The following EPB41L2 variants were observed in gnomAD, a reference collection of about 807,000 sequenced individuals.
The protein encoded by EPB41L2 is erythrocyte membrane protein band 4.1 like 2.
A neutral mutation model predicts 113.0 loss-of-function variants in EPB41L2; 43 were observed. The ratio of observed to expected loss-of-function variants is 0.38; its 90% CI spans 0.30 to 0.49. The LOEUF (loss-of-function observed/expected upper bound fraction) is 0.49. Ranked by LOEUF, EPB41L2 falls within the 20% of genes least tolerant of loss-of-function variation. EPB41L2 has a pLI of 0.95. For missense variants in EPB41L2, 1,147 were observed against 1,223.4 expected, an observed-to-expected ratio of 0.94 and a Z score of 0.93; for synonymous variants, 442 against 436.7, an observed-to-expected ratio of 1.01 and a Z score of -0.15.
chr6:130,953,548 A>C (rs992941885), intron 3 of EPB41L2, among the ~76,000 whole-genome samples: 5 of 152,124 alleles, frequency 3.3e-5, no homozygotes, highest in African/African-American at 1.2e-4. Context: ...GGATAGCATT[A>C]GGAGATATAC....
At chr6:131,032,219 T>C (rs1584665690) in intron 1 of EPB41L2, among the ~76,000 whole-genome samples, 1 of 152,020 alleles carries the variant, frequency 6.6e-6, no homozygotes, top group East Asian at 1.9e-4. Flanking sequence ...GAGGGACTGG[T>C]ATAGTGGTTT....
At chr6:130,966,392 C>T (rs117944699) in intron 1 of EPB41L2, among the ~76,000 whole-genome samples, 1,545 of 152,252 alleles carry the variant, frequency 0.01, 11 homozygotes, top group South Asian at 0.021. Context: ...AAGATTCAGA[C>T]GGTATAAGTG....
At chr6:130,936,746 G>A (rs1327866445) in intron 3 of EPB41L2, among the ~76,000 whole-genome samples, 1 of 152,100 alleles carries the variant, frequency 6.6e-6, no homozygotes, top group East Asian at 1.9e-4. Context: ...CCCTTACTAT[G>A]TCCTAGGCAT....
chr6:130,945,983 AAAG>A (rs1169080171), intron 3 of EPB41L2, among the ~76,000 whole-genome samples: 1 of 152,224 alleles, frequency 6.6e-6, no homozygotes, highest in East Asian at 1.9e-4. Flanking sequence ...CTCTGGAACC[AAAG>A]AAGGTTGGCA....
rs58720164 is a variant in EPB41L2, at chr6:130,914,480, G to A, written c.811-5617C>T. ...CCCTTTCTATATGACTAGTCTAAGAGCTTCTATGTACATGTTAAAGTATTA... is the reference window on the plus strand; with the variant it reads ...CCCTTTCTATATGACTAGTCTAAGAACTTCTATGTACATGTTAAAGTATTA... On this transcript the variant is annotated intron_variant, in intron 4 of 19. Transcript: ENST00000337057. Among the ~76,000 whole-genome samples, 1,346 of 152,138 alleles carry A rather than the reference G, an allele frequency of 8.8e-3. 30 individuals carry two copies. Among genetic ancestry groups the A allele is most frequent in the African/African-American group, 0.031 (1,281 of 41,410 alleles).
intron 18 of EPB41L2, among the ~76,000 whole-genome samples, chr6:130,858,518 G>A (rs1481958417): frequency 6.6e-6 from 1 of 152,262 alleles, no homozygotes. Context: ...TATACTCACT[G>A]TGAGATTTGG....
At chr6:130,871,856 T>C (rs998832610) in intron 14 of EPB41L2, among the ~76,000 whole-genome samples, 3 of 152,242 alleles carry the variant, frequency 2.0e-5, no homozygotes, top group Admixed American at 6.5e-5. Flanking sequence ...ATTATTATTA[T>C]AGATCAGTGA....
At chr6:131,029,540 G>A (rs776714125) in intron 1 of EPB41L2, among the ~76,000 whole-genome samples, 7 of 151,806 alleles carry the variant, frequency 4.6e-5, no homozygotes, top group Non-Finnish European at 7.4e-5. Context: ...TTTTAAACAC[G>A]CAGAAAGGAT....
At chr6:131,007,166 G>A (rs1459288191) in intron 1 of EPB41L2, among the ~76,000 whole-genome samples, 1 of 152,180 alleles carries the variant, frequency 6.6e-6, no homozygotes, top group Non-Finnish European at 1.5e-5. Flanking sequence ...ACCTTGAATA[G>A]TAATAATCCC....
At chr6:130,926,501 A>T in intron 4 of EPB41L2, 104 bp downstream of exon 4, 1 of 831,610 alleles carries the variant, frequency 1.2e-6, no homozygotes, top group Non-Finnish European at 1.9e-6. Context: ...AGTCATAATA[A>T]ACACCTAAGT....
intron 1 of EPB41L2, among the ~76,000 whole-genome samples, chr6:130,964,393 C>T (rs1423430657): frequency 2.0e-5 from 3 of 151,920 alleles, no homozygotes; most frequent in Admixed American, 2.0e-4. Context: ...GAGATGAAGA[C>T]TGTGAAATAA....
At chr6:131,027,857 A>G (rs1791223447) in intron 1 of EPB41L2, among the ~76,000 whole-genome samples, 1 of 152,198 alleles carries the variant, frequency 6.6e-6, no homozygotes, top group Admixed American at 6.5e-5. Context: ...AACTATTCCC[A>G]AGGAAGGCAA....
chr6:130,845,534 C>T, intron 19 of EPB41L2, among the ~76,000 whole-genome samples: 1 of 152,074 alleles, frequency 6.6e-6, no homozygotes, highest in Non-Finnish European at 1.5e-5. Flanking sequence ...CATACCATCA[C>T]ACCCAGCTAA....
chr6:130,842,903 A>G (rs1188689135), intron 19 of EPB41L2, among the ~76,000 whole-genome samples: 2 of 152,306 alleles, frequency 1.3e-5, no homozygotes, highest in East Asian at 1.9e-4. Context: ...ATTATAAATG[A>G]TAACCTTCAT....
intron 1 of EPB41L2, among the ~76,000 whole-genome samples, chr6:130,958,775 A>T (rs1818366696): frequency 6.6e-6 from 1 of 152,246 alleles, no homozygotes; most frequent in African/African-American, 2.4e-5. Context: ...GAAGTAAGAA[A>T]GGAAGGCAGA....
chr6:131,015,472 T>C (rs573964875), intron 1 of EPB41L2: 1 of 152,188 alleles, frequency 6.6e-6, no homozygotes, highest in Admixed American at 6.5e-5. Flanking sequence ...CATAAGAAGA[T>C]AAAGCACTCG....
intron 1 of EPB41L2, among the ~76,000 whole-genome samples, chr6:130,958,471 A>C (rs71572947): frequency 2.9e-3 from 262 of 90,326 alleles, no homozygotes; most frequent in Non-Finnish European, 3.4e-3. Flanking sequence ...ACAACAACAA[A>C]AAAAAAAAAA....
intron 3 of EPB41L2, among the ~76,000 whole-genome samples, chr6:130,940,720 C>T (rs1810533318): frequency 1.3e-5 from 2 of 152,080 alleles, no homozygotes; most frequent in African/African-American, 2.4e-5. Flanking sequence ...CTGCCCGCCT[C>T]GGCCTCCCAA....
Position 131,057,086 on chromosome 6 carries a change from A to G in EPB41L2, c.-15+6069T>C, listed in dbSNP as rs533956810. ...AAAAATTAAAAAAAAAGAGAAAAACAAAATACTCTTAAAACTTCCATCTTC... is the reference window on the plus strand; with the variant it reads ...AAAAATTAAAAAAAAAGAGAAAAACGAAATACTCTTAAAACTTCCATCTTC... On this transcript the variant is annotated intron_variant, in intron 1 of 19. Transcript: ENST00000337057. Among the ~76,000 whole-genome samples the G allele has an allele frequency of 2.6e-5, 4 of 152,310 alleles. No homozygotes were observed. In the South Asian group the frequency reaches 8.3e-4, roughly 32 times the overall value.
Sources: allele counts gnomAD v4.1 joint callset (sites outside exome capture counted in the v4.1 genomes callset), GRCh38; gene constraint gnomAD v4.1.1; transcripts MANE v1.5; gene names NCBI Gene and HGNC (gene_info 2026-07-23, HGNC 2026-07-21).